DNM3: variants seen among roughly 807,000 people sequenced by gnomAD.
DNM3 encodes the protein dynamin-3.
A neutral mutation model predicts 101.6 loss-of-function variants in DNM3; 47 were observed. The observed-to-expected ratio is 0.46, with a 90% CI of 0.37 to 0.59. The LOEUF (loss-of-function observed/expected upper bound fraction) is 0.59, where lower values mean the gene tolerates loss of function less well. DNM3 is among the 20% of genes least tolerant of loss of function. DNM3 has a pLI of 0.00. For missense variants in DNM3, 849 were observed against 1,085.7 expected (o/e 0.78, Z 3.06); for synonymous variants, 385 against 387.9 (o/e 0.99, Z 0.09).
In DNM3 at chr1:172,041,998, A is replaced by G. The variant is rs201857724; in HGVS notation, c.993-11A>G. On this transcript the variant is annotated splice_polypyrimidine_tract_variant and intron_variant, in intron 7 of 20. Transcript: ENST00000627582. ...CTTTGACTTGAATCTATTTCTCTTT[A>G]ACAATTACAGGATGGTTCAGCAATT... 1.0e-4 allele frequency: 157 copies of G among 1,569,654 alleles called. 1 individual carries two copies. The African/African-American group carries it at 2.0e-3, about 20-fold the overall frequency.
At chr1:172,155,224 C>T (rs1436688516) in intron 14 of DNM3, among the ~76,000 whole-genome samples, 2 of 150,606 alleles carry the variant, frequency 1.3e-5, no homozygotes, top group African/African-American at 4.9e-5. Flanking sequence ...TAAACATGAC[C>T]AAATCATACA....
chr1:172,164,067 G>A (rs2058657893), intron 14 of DNM3, among the ~76,000 whole-genome samples: 2 of 151,788 alleles, frequency 1.3e-5, no homozygotes, highest in South Asian at 4.2e-4. Context: ...CAATGAATGT[G>A]GGGTTGAGAC....
At chr1:172,243,665 T>C (rs930704300) in intron 14 of DNM3, among the ~76,000 whole-genome samples, 1 of 152,092 alleles carries the variant, frequency 6.6e-6, no homozygotes, top group African/African-American at 2.4e-5. Context: ...ACTAGAACAG[T>C]CCATCAAACA....
chr1:172,270,291 C>T (rs1214240681), intron 15 of DNM3, among the ~76,000 whole-genome samples: 1 of 149,696 alleles, frequency 6.7e-6, no homozygotes, highest in Non-Finnish European at 1.5e-5. Flanking sequence ...AGCCAAACAG[C>T]ACTTGTAACT....
intron 15 of DNM3, among the ~76,000 whole-genome samples, chr1:172,296,036 T>C (rs78260117): frequency 6.6e-6 from 1 of 152,200 alleles, no homozygotes; most frequent in African/African-American, 2.4e-5. Context: ...CAAGCAACCA[T>C]TGATGGAGAA....
intron 6 of DNM3, 109 bp from the exon 7 acceptor site, chr1:172,038,210 T>C: frequency 7.1e-7 from 1 of 1,406,632 alleles, no homozygotes; most frequent in Non-Finnish European, 9.7e-7. Flanking sequence ...GTTTGAAATT[T>C]TGAATTATTA....
Position 171,927,989 on chromosome 1 carries a change from T to A in DNM3, c.235+6168T>A, listed in dbSNP as rs913518046. 2.0e-5 allele frequency among the ~76,000 whole-genome samples: 3 copies of A among 152,194 alleles called. No homozygotes were observed. The South Asian group carries it at 6.2e-4, about 32-fold the overall frequency. ...CATGTGGGTGTTCCTTTAACTACAG[T>A]GTAGATTGAATACAGTTGATAGACT... On this transcript the variant is annotated intron_variant, in intron 2 of 20. Coordinates refer to ENST00000627582, the MANE Select transcript of DNM3 (RefSeq NM_015569.5).
chr1:172,338,948 TG>T, intron 17 of DNM3: 1 of 413,236 alleles, frequency 2.4e-6, no homozygotes, highest in Non-Finnish European at 4.8e-6. Flanking sequence ...TTAACATTCT[TG>T]CTTTTTAGAA....
chr1:172,300,496 T>C (rs776659945), intron 15 of DNM3, among the ~76,000 whole-genome samples: 15 of 152,180 alleles, frequency 9.9e-5, no homozygotes, highest in Non-Finnish European at 1.5e-4. Flanking sequence ...TTCTAGATTT[T>C]CTTCTGAAGT....
chr1:172,191,647 A>G (rs1437624857), intron 14 of DNM3, among the ~76,000 whole-genome samples: 2 of 152,200 alleles, frequency 1.3e-5, no homozygotes, highest in Non-Finnish European at 2.9e-5. Context: ...GCTATCCATG[A>G]GCATGGAGTG....
intron 13 of DNM3, among the ~76,000 whole-genome samples, chr1:172,126,729 T>C (rs2056642530): frequency 6.6e-6 from 1 of 152,008 alleles, no homozygotes; most frequent in Non-Finnish European, 1.5e-5. Context: ...TTTTTTTTTT[T>C]GACTTCATTG....
chr1:172,399,173 C>A (rs1388019289), intron 20 of DNM3, among the ~76,000 whole-genome samples: 1 of 152,120 alleles, frequency 6.6e-6, no homozygotes, highest in African/African-American at 2.4e-5. Flanking sequence ...ACATATTATT[C>A]TTTACCCTTT....
At chr1:172,142,231 C>T (rs930219782) in intron 14 of DNM3, 1 of 151,904 alleles carries the variant, frequency 6.6e-6, no homozygotes, top group African/African-American at 2.4e-5. Context: ...ATTTGTATAT[C>T]TCCTTATAAA....
chr1:171,957,064 A>G (rs1384992290), intron 2 of DNM3, among the ~76,000 whole-genome samples: 1 of 151,892 alleles, frequency 6.6e-6, no homozygotes, highest in African/African-American at 2.4e-5. Context: ...TGCTGTGAAG[A>G]CCTCTGAAAT....
intron 1 of DNM3, among the ~76,000 whole-genome samples, chr1:171,917,183 C>A (rs2039781005): frequency 6.6e-6 from 1 of 152,194 alleles, no homozygotes; most frequent in Admixed American, 6.5e-5. Flanking sequence ...CAGTTAAGGG[C>A]AGATGTTAAA....
Position 172,192,947 on chromosome 1 carries a change from G to A in DNM3, c.1660-60626G>A, listed in dbSNP as rs1250030371. Among the ~76,000 whole-genome samples, 10 of 151,286 alleles carry A rather than the reference G, an allele frequency of 6.6e-5. No homozygotes were observed. In the East Asian group the frequency reaches 7.8e-4, roughly 12 times the overall value. Reference sequence around the variant, plus strand: ...TCTAGTTCTAGATCCCTGAGGAATCGCCACACTGACTTCCACAATGGTTGA... The same window carrying A: ...TCTAGTTCTAGATCCCTGAGGAATCACCACACTGACTTCCACAATGGTTGA... On this transcript the variant is annotated intron_variant, in intron 14 of 20. Transcript: ENST00000627582.
intron 14 of DNM3, among the ~76,000 whole-genome samples, chr1:172,176,833 A>G (rs2059168476): frequency 6.6e-6 from 1 of 151,870 alleles, no homozygotes; most frequent in South Asian, 2.1e-4. Flanking sequence ...TTAATCTGTG[A>G]AGTGACCAAC....
intron 1 of DNM3, among the ~76,000 whole-genome samples, chr1:171,890,051 G>C (rs1176739917): frequency 1.3e-5 from 2 of 152,126 alleles, no homozygotes. Context: ...ACTAGGATAA[G>C]AGGAAAATTC....
At chr1:172,029,855 T>C (rs1250985112) in intron 4 of DNM3, among the ~76,000 whole-genome samples, 4 of 152,104 alleles carry the variant, frequency 2.6e-5, no homozygotes, top group Admixed American at 6.6e-5. Context: ...ACAAGGCATG[T>C]GAAGGACCTC....
Sources: gnomAD v4.1 joint callset for allele counts (sites outside exome capture counted in the v4.1 genomes callset) on GRCh38, gnomAD v4.1.1 for gene constraint, MANE v1.5 for transcripts, NCBI Gene and HGNC (gene_info 2026-07-23, HGNC 2026-07-21) for gene names.